NR6A1: variants seen among roughly 807,000 people sequenced by gnomAD.
The protein encoded by NR6A1 is retinoic acid receptor-related testis-associated receptor.
In NR6A1, 7 loss-of-function variants were observed where a neutral mutation model predicts 59.1. The ratio of observed to expected loss-of-function variants is 0.12; its 90% CI spans 0.07 to 0.22. NR6A1 has a LOEUF of 0.22. Among genes scored for constraint, NR6A1 ranks in the 10% least tolerant of loss-of-function variants. The probability of loss-of-function intolerance (pLI) is 1.00; values close to 1 mark genes in which losing one functional copy is unlikely to be tolerated. For synonymous variants in NR6A1, 243 were observed against 236.1 expected, an observed-to-expected ratio of 1.03 and a Z score of -0.27; for missense variants, 468 against 611.6, an observed-to-expected ratio of 0.77 and a Z score of 2.48.
chr9:124,751,436 T>C (rs537138566), intron 1 of NR6A1, among the ~76,000 whole-genome samples: 4 of 152,262 alleles, frequency 2.6e-5, no homozygotes, highest in African/African-American at 9.6e-5. Context: ...GACAATAACA[T>C]TCGAAACTCC....
intron 2 of NR6A1, among the ~76,000 whole-genome samples, chr9:124,674,890 T>G (rs1431269770): frequency 6.6e-6 from 1 of 152,096 alleles, no homozygotes; most frequent in Non-Finnish European, 1.5e-5. Context: ...GATAAAGGAG[T>G]CCTACATTCC....
At chr9:124,645,860 ACCACATT>A (rs1326694202) in intron 2 of NR6A1, among the ~76,000 whole-genome samples, 1 of 152,214 alleles carries the variant, frequency 6.6e-6, no homozygotes, top group Non-Finnish European at 1.5e-5. Flanking sequence ...ACCAAAACAG[ACCACATT>A]CTGGCCCATA....
In NR6A1 at chr9:124,654,875, T is replaced by TACACACACACACACAC. The variant is rs3983841; in HGVS notation, c.142+78417_142+78432dup. ...TTTATACATACATTTTTTTTTTTTG[T>TACACACACACACACAC]ACACACACACACACACACACACACA... is the stretch of plus-strand genomic sequence containing the variant. On this transcript the variant is annotated intron_variant, in intron 2 of 9. Transcript: ENST00000487099. 7.5e-3 allele frequency among the ~76,000 whole-genome samples: 934 copies of TACACACACACACACAC among 123,868 alleles called. 10 individuals are homozygous for TACACACACACACACAC. The highest frequency in any genetic ancestry group is 0.01 in the Non-Finnish European group (630 of 60,478). The allele number at this position is 123,868 out of a possible 152,430, so 81.3% of individuals were successfully genotyped here.
intron 2 of NR6A1, among the ~76,000 whole-genome samples, chr9:124,661,334 G>T (rs189604164): frequency 6.6e-6 from 1 of 152,174 alleles, no homozygotes; most frequent in Non-Finnish European, 1.5e-5. Context: ...CGAGCAGGGG[G>T]AAACAGTACA....
chr9:124,671,213 C>T (rs892918065), intron 2 of NR6A1, among the ~76,000 whole-genome samples: 5 of 152,134 alleles, frequency 3.3e-5, no homozygotes, highest in African/African-American at 1.2e-4. Flanking sequence ...TACTACTGAA[C>T]TGTATATTTT....
chr9:124,593,143 C>A (rs1276009211), intron 2 of NR6A1, among the ~76,000 whole-genome samples: 1 of 152,118 alleles, frequency 6.6e-6, no homozygotes, highest in Non-Finnish European at 1.5e-5. Context: ...AGATGTGGCA[C>A]GATATCACAA....
chr9:124,575,157 C>A (rs545206106), intron 2 of NR6A1, among the ~76,000 whole-genome samples: 2 of 152,300 alleles, frequency 1.3e-5, no homozygotes, highest in African/African-American at 4.8e-5. Flanking sequence ...CACCTTCATA[C>A]AAAATTGGTG....
intron 2 of NR6A1, among the ~76,000 whole-genome samples, chr9:124,666,219 A>C (rs1181352745): frequency 6.6e-6 from 1 of 151,462 alleles, no homozygotes. Flanking sequence ...AGAAGACCCC[A>C]ATTTGGTTAT....
At chr9:124,720,214 G>C (rs1331441883) in intron 2 of NR6A1, among the ~76,000 whole-genome samples, 2 of 151,928 alleles carry the variant, frequency 1.3e-5, no homozygotes, top group Admixed American at 6.6e-5. Context: ...ACCACGTCCA[G>C]GTAATTTTGT....
intron 2 of NR6A1, among the ~76,000 whole-genome samples, chr9:124,628,293 G>C (rs1423985409): frequency 1.3e-5 from 2 of 152,230 alleles, no homozygotes; most frequent in Non-Finnish European, 2.9e-5. Context: ...CTCCAAAAGT[G>C]CCGGGATTAC....
intron 7 of NR6A1, among the ~76,000 whole-genome samples, chr9:124,529,809 T>C (rs1256060788): frequency 1.3e-5 from 2 of 151,616 alleles, no homozygotes; most frequent in East Asian, 3.9e-4. Context: ...TGCCTGGGAG[T>C]GAAGACCACT....
At chr9:124,650,744 C>A (rs551110836) in intron 2 of NR6A1, among the ~76,000 whole-genome samples, 1 of 152,266 alleles carries the variant, frequency 6.6e-6, no homozygotes, top group South Asian at 2.1e-4. Context: ...ACAACAACAA[C>A]AAATAACTTT....
At chr9:124,595,731 C>T in intron 2 of NR6A1, 4 of 1,226,920 alleles carry the variant, frequency 3.3e-6, no homozygotes, top group Non-Finnish European at 4.3e-6. Flanking sequence ...TAGATTTGGG[C>T]CCCAGACTGT....
intron 3 of NR6A1, among the ~76,000 whole-genome samples, chr9:124,546,184 T>C (rs1177764866): frequency 6.6e-6 from 1 of 152,232 alleles, no homozygotes; most frequent in Non-Finnish European, 1.5e-5. Flanking sequence ...AGAAATCTAC[T>C]ATGTGTTACA....
intron 3 of NR6A1, among the ~76,000 whole-genome samples, chr9:124,551,648 G>T (rs1055159340): frequency 6.6e-6 from 1 of 152,126 alleles, no homozygotes. Context: ...CTTAAGTGTG[G>T]TTATGTGACT....
intron 2 of NR6A1, among the ~76,000 whole-genome samples, chr9:124,681,484 G>A (rs1838156570): frequency 6.6e-6 from 1 of 151,876 alleles, no homozygotes; most frequent in Non-Finnish European, 1.5e-5. Flanking sequence ...TGGGACTACA[G>A]GTGCATGCCA....
chr9:124,526,991 A>C, intron 7 of NR6A1, 91 bp from the exon 8 acceptor site: 5 of 1,498,378 alleles, frequency 3.3e-6, no homozygotes, highest in Non-Finnish European at 4.6e-6. Flanking sequence ...CTCCTTAAAC[A>C]GGCTGAGCTT....
chr9:124,634,826 A>AG (rs1554737706), intron 2 of NR6A1, among the ~76,000 whole-genome samples: 3 of 151,576 alleles, frequency 2.0e-5, no homozygotes, highest in South Asian at 4.2e-4. Flanking sequence ...TCTCAAAAAA[A>AG]AGAGAGAGAG....
At chr9:124,626,792 G>A (rs1836256159) in intron 2 of NR6A1, among the ~76,000 whole-genome samples, 1 of 152,078 alleles carries the variant, frequency 6.6e-6, no homozygotes, top group Non-Finnish European at 1.5e-5. Context: ...AAATTAGCCG[G>A]GCGTAGGGGC....
Sources: gnomAD v4.1 joint callset for allele counts (sites outside exome capture counted in the v4.1 genomes callset) on GRCh38, gnomAD v4.1.1 for gene constraint, MANE v1.5 for transcripts, NCBI Gene and HGNC (gene_info 2026-07-23, HGNC 2026-07-21) for gene names.